The following MYO9B variants were observed in gnomAD, a reference collection of about 807,000 sequenced individuals.
MYO9B encodes the protein unconventional myosin-IXb.
In MYO9B, 71 loss-of-function variants were observed where a neutral mutation model predicts 229.5. That is an observed-to-expected ratio of 0.31 (90% CI 0.26 to 0.38). The LOEUF (loss-of-function observed/expected upper bound fraction) is 0.38. Among genes scored for constraint, MYO9B ranks in the 10% least tolerant of loss-of-function variants. The pLI is 1.00. For missense variants in MYO9B, 2,255 were observed against 2,920.5 expected (o/e 0.77, Z 5.25); for synonymous variants, 1,185 against 1,235.8 (o/e 0.96, Z 0.86).
At chr19:17,139,656 T>G (rs1310897135) in intron 2 of MYO9B, among the ~76,000 whole-genome samples, 1 of 151,830 alleles carries the variant, frequency 6.6e-6, no homozygotes, top group East Asian at 1.9e-4. Context: ...GAGGATCACC[T>G]TGAGCTCTGG....
At chr19:17,166,670 T>C (rs1222186634) in intron 10 of MYO9B, among the ~76,000 whole-genome samples, 1 of 152,094 alleles carries the variant, frequency 6.6e-6, no homozygotes, top group South Asian at 2.1e-4. Context: ...CACCCTCCAA[T>C]AGGCCCCAGT....
At chr19:17,139,502 T>G (rs1219181564) in intron 2 of MYO9B, among the ~76,000 whole-genome samples, 1 of 151,788 alleles carries the variant, frequency 6.6e-6, no homozygotes, top group Non-Finnish European at 1.5e-5. Flanking sequence ...CTCAACACTT[T>G]GAGAGGCCAA....
In MYO9B at chr19:17,194,730, T is replaced by C; in HGVS notation, c.3303T>C (p.Pro1101=). ...ATGGCGGGCACCTGGCATCGGAGCC[T>C]GAGGTGCAGCCAAGTGACAGGTCCC... ...AEDGGHLASE[P]EVQPSDRSPL... is the part of the protein sequence containing the mutation. The change falls in exon 22 of 40, where the codon CCT becomes CCC. Residue 1101 remains proline (P), a synonymous_variant. Transcript: ENST00000682292. The C allele has an allele frequency of 6.2e-7, 1 of 1,612,942 alleles. No homozygotes were observed. Among genetic ancestry groups the C allele is most frequent in the Non-Finnish European group, 8.5e-7 (1 of 1,179,856 alleles).
At chr19:17,119,990 C>T (rs1196280463) in intron 2 of MYO9B, among the ~76,000 whole-genome samples, 1 of 152,144 alleles carries the variant, frequency 6.6e-6, no homozygotes, top group Admixed American at 6.6e-5. Flanking sequence ...GTGGCAAAAC[C>T]CCGTTGCTAC....
At chr19:17,168,102 G>T (rs116558154) in intron 11 of MYO9B, 38 bp downstream of exon 11, 3 of 1,606,534 alleles carry the variant, frequency 1.9e-6, no homozygotes, top group Non-Finnish European at 2.5e-6. Flanking sequence ...GCACATCTAC[G>T]CATGGGCACT....
At chr19:17,138,586 G>A (rs1374306490) in intron 2 of MYO9B, among the ~76,000 whole-genome samples, 1 of 151,866 alleles carries the variant, frequency 6.6e-6, no homozygotes, top group Non-Finnish European at 1.5e-5. Context: ...CCACTCAGTT[G>A]CATTTTTAAT....
At chr19:17,128,984 T>A (rs1248014819) in intron 2 of MYO9B, among the ~76,000 whole-genome samples, 4 of 152,188 alleles carry the variant, frequency 2.6e-5, no homozygotes, top group Admixed American at 2.6e-4. Flanking sequence ...CGGTCACTCC[T>A]TCATCTCAGT....
chr19:17,205,168 A>G, intron 30 of MYO9B, 95 bp from the exon 31 acceptor site: 4 of 839,740 alleles, frequency 4.8e-6, no homozygotes, highest in South Asian at 4.7e-5. Context: ...AAAAAAAAAG[A>G]AGGCAATTGG....
rs187352058 is a variant in MYO9B, at chr19:17,175,342, T to C, written c.2141-321T>C. ...ACTCATGCCTATAATCCCAGGATTT[T>C]GGGAGGCCAAGGTGGGCAGATCACC... On this transcript the variant is annotated intron_variant, in intron 13 of 39. Coordinates refer to ENST00000682292, the MANE Select transcript of MYO9B (RefSeq NM_004145.4). Among the ~76,000 whole-genome samples, 145 of 151,214 alleles carry C rather than the reference T, an allele frequency of 9.6e-4. 2 individuals are homozygous for C. Among genetic ancestry groups the C allele is most frequent in the Non-Finnish European group, 1.9e-4 (13 of 67,926 alleles).
chr19:17,192,656 T>C, intron 20 of MYO9B, 90 bp from the exon 21 acceptor site: 6 of 1,120,400 alleles, frequency 5.4e-6, no homozygotes, highest in Non-Finnish European at 7.3e-6. Flanking sequence ...AGCCTAGGTC[T>C]CACTCTGGAG....
chr19:17,127,125 C>T lies in MYO9B; in HGVS notation c.841-18272C>T, dbSNP rs531673429. On this transcript the variant is annotated intron_variant, in intron 2 of 39. Coordinates refer to ENST00000682292, the MANE Select transcript of MYO9B (RefSeq NM_004145.4). ...CTCCCAGGTTCAAGCGATTCTCCTG[C>T]CACAGCCTCCCAAGTAACTGGGACT... is the stretch of plus-strand genomic sequence containing the variant. Among the ~76,000 whole-genome samples, 15 of 146,298 alleles carry T rather than the reference C, an allele frequency of 1.0e-4. No individual in the cohort carries two copies. The South Asian group carries it at 3.2e-3, about 31-fold the overall frequency.
chr19:17,145,366 G>A (rs770192708), intron 2 of MYO9B, 31 bp from the exon 3 acceptor site: 1 of 1,586,502 alleles, frequency 6.3e-7, no homozygotes, highest in South Asian at 1.1e-5. Flanking sequence ...CCACCCTCCT[G>A]ATCTGAAACC....
At chr19:17,131,162 G>A (rs570294675) in intron 2 of MYO9B, among the ~76,000 whole-genome samples, 12 of 152,254 alleles carry the variant, frequency 7.9e-5, no homozygotes, top group East Asian at 7.7e-4. Context: ...ATAAAGTCCC[G>A]CTTGCCCAAG....
rs1163537302 is a variant in MYO9B, at chr19:17,175,752, C to T, written c.2219+11C>T. ...GGAAAAACTTTACCGGTGAGCAAGA[C>T]CCTGATTTGCCCAAACTGAAATCAT... On this transcript the variant is annotated intron_variant, in intron 14 of 39. Coordinates refer to ENST00000682292, the MANE Select transcript of MYO9B (RefSeq NM_004145.4). The T allele has an allele frequency of 6.4e-7, 1 of 1,565,378 alleles. No homozygotes were observed. Among genetic ancestry groups the T allele is most frequent in the Non-Finnish European group, 8.7e-7 (1 of 1,153,610 alleles).
chr19:17,202,366 C>T, intron 28 of MYO9B, 63 bp downstream of exon 28: 1 of 1,434,866 alleles, frequency 7.0e-7, no homozygotes. Context: ...CCTCGCCATC[C>T]TTAGCCACGC....
intron 35 of MYO9B, among the ~76,000 whole-genome samples, chr19:17,209,003 A>C (rs115862678): frequency 0.015 from 2,217 of 151,962 alleles, 43 homozygotes; most frequent in African/African-American, 0.052. Flanking sequence ...TCTGGTACTG[A>C]CCACTCCAAG....
chr19:17,209,455 C>A, intron 35 of MYO9B, 131 bp from the exon 36 acceptor site: 1 of 925,908 alleles, frequency 1.1e-6, no homozygotes. Context: ...GCTGGCACAG[C>A]CGTGTCCCAG....
intron 2 of MYO9B, among the ~76,000 whole-genome samples, chr19:17,119,966 T>G (rs2057946396): frequency 6.6e-6 from 1 of 152,016 alleles, no homozygotes; most frequent in South Asian, 2.1e-4. Flanking sequence ...GAGTTTGAGG[T>G]CATCCTGGAC....
chr19:17,207,236 G>T lies in MYO9B; in HGVS notation c.5616G>T (p.Lys1872Asn), dbSNP rs557194619. ...TGACCAGCATGAAGGACGTCCTCAAGATCACCACGTGAGTGCCCACCCTGC... is the reference window on the plus strand; with the variant it reads ...TGACCAGCATGAAGGACGTCCTCAATATCACCACGTGAGTGCCCACCCTGC... ...DPLTSMKDVLKITTCVEMLIK... is the reference protein window; with the variant it reads ...DPLTSMKDVLNITTCVEMLIK... The change falls in exon 35 of 40, where the codon AAG becomes AAT. Residue 1872 changes from lysine to asparagine, a missense_variant. By Grantham distance (94) the Lys-to-Asn change is moderately conservative. Transcript: ENST00000682292. The T allele has an allele frequency of 7.5e-6, 12 of 1,596,220 alleles. No homozygotes were observed. The South Asian group carries it at 1.3e-4, about 17-fold the overall frequency.
Sources: gnomAD v4.1 joint callset for allele counts (sites outside exome capture counted in the v4.1 genomes callset) on GRCh38, gnomAD v4.1.1 for gene constraint, MANE v1.5 for transcripts, NCBI Gene and HGNC (gene_info 2026-07-23, HGNC 2026-07-21) for gene names.